Variants in ITSN1 observed in about 807,000 individuals in gnomAD.
ITSN1 encodes the protein intersectin-1.
Under a neutral mutation model 239.8 loss-of-function variants are expected in ITSN1, and 58 were observed. That is an observed-to-expected ratio of 0.24 (90% confidence interval 0.20 to 0.30). ITSN1 has a LOEUF of 0.30. Among genes scored for constraint, ITSN1 ranks in the 10% least tolerant of loss-of-function variants. The probability of loss-of-function intolerance (pLI) is 1.00; values close to 1 mark genes in which losing one functional copy is unlikely to be tolerated. For synonymous variants in ITSN1, 780 were observed against 770.8 expected (o/e 1.01, Z -0.20); for missense variants, 1,558 against 2,103.3 (o/e 0.74, Z 5.07).
chr21:33,675,914 T>C (rs1264765243), intron 1 of ITSN1, among the ~76,000 whole-genome samples: 2 of 152,208 alleles, frequency 1.3e-5, no homozygotes, highest in Non-Finnish European at 2.9e-5. Context: ...ATCATATGCT[T>C]CAGATATTTG....
intron 12 of ITSN1, among the ~76,000 whole-genome samples, chr21:33,773,649 A>C (rs1461617807): frequency 6.6e-6 from 1 of 152,120 alleles, no homozygotes; most frequent in Non-Finnish European, 1.5e-5. Context: ...ACCTGTCTCA[A>C]AAAAAGAAAG....
At position 33,896,684 on chromosome 21, in the gene ITSN1, C is replaced by G. The variant is rs1030261497; in HGVS notation, c.*8384C>G. The G allele has an allele frequency of 6.6e-6, 1 of 152,240 alleles. No homozygotes were observed. Among genetic ancestry groups the G allele is most frequent in the African/African-American group, 2.4e-5 (1 of 41,450 alleles). The allele number at this position is 152,240 out of a possible 1,614,324, so 9.4% of individuals were successfully genotyped here. The stretch of plus-strand genomic sequence containing the variant: ...AGCCTCAAGTTCTAGAAGACCATGG[C>G]CCCGGGAGGCAGCTGACCATGAAGC... On this transcript the variant is annotated 3_prime_UTR_variant, in exon 40 of 40. Transcript: ENST00000381318.
At chr21:33,679,802 A>G (rs1317992786) in intron 1 of ITSN1, among the ~76,000 whole-genome samples, 2 of 135,356 alleles carry the variant, frequency 1.5e-5, no homozygotes, top group African/African-American at 2.8e-5. Context: ...GGTTCATGCC[A>G]TTCTCCTGCC....
chr21:33,803,632 A>C (rs1273760829), intron 20 of ITSN1, among the ~76,000 whole-genome samples: 1 of 152,228 alleles, frequency 6.6e-6, no homozygotes, highest in Non-Finnish European at 1.5e-5. Context: ...ATATATATCA[A>C]ACTGTTAACA....
At chr21:33,837,522 C>A in intron 29 of ITSN1, 1 of 985,844 alleles carries the variant, frequency 1.0e-6, no homozygotes, top group Non-Finnish European at 1.2e-6. Flanking sequence ...CAGTTTGGGG[C>A]TTTTCCCCCT....
chr21:33,785,162 A>G (rs2070556407), intron 16 of ITSN1, among the ~76,000 whole-genome samples: 1 of 152,218 alleles, frequency 6.6e-6, no homozygotes, highest in African/African-American at 2.4e-5. Flanking sequence ...CACTGGAGGA[A>G]TACCTTACAG....
At chr21:33,729,384 C>T (rs1316192200) in intron 4 of ITSN1, among the ~76,000 whole-genome samples, 1 of 151,700 alleles carries the variant, frequency 6.6e-6, no homozygotes, top group Non-Finnish European at 1.5e-5. Flanking sequence ...AGGATTCAAG[C>T]CTGCATTGCG....
At chr21:33,883,489 G>T in intron 35 of ITSN1, 61 bp from the exon 36 acceptor site, 1 of 1,596,764 alleles carries the variant, frequency 6.3e-7, no homozygotes. Context: ...ACACACTCAC[G>T]GTTTACCGGA....
intron 14 of ITSN1, 26 bp downstream of exon 14, chr21:33,775,134 T>C: frequency 4.4e-6 from 7 of 1,594,532 alleles, no homozygotes; most frequent in Non-Finnish European, 6.0e-6. Flanking sequence ...TCTTAAAAGC[T>C]ATTATATTAA....
At position 33,745,337 on chromosome 21, in the gene ITSN1, G is replaced by A. The variant is rs562627182; in HGVS notation, c.347-4806G>A. Among the ~76,000 whole-genome samples, 25 of 152,298 alleles carry A rather than the reference G, an allele frequency of 1.6e-4. No homozygotes were observed. In the South Asian group the frequency reaches 1.9e-3, roughly 11 times the overall value. ...CTTTCAACAGAAAAGAAAATGAAAA[G>A]GATGGAGAGGGGACTGTGGATTAAA... On this transcript the variant is annotated intron_variant, in intron 5 of 39. Coordinates refer to ENST00000381318, the MANE Select transcript of ITSN1 (RefSeq NM_003024.3).
In ITSN1 at chr21:33,821,236, T is replaced by G. The variant is rs188994176; in HGVS notation, c.3016+1913T>G. The stretch of plus-strand genomic sequence containing the variant: ...GGTCACAAGTGAACCATGCATGTAC[T>G]TAAAATTGGGCAACATAATAGAGTT... On this transcript the variant is annotated intron_variant, in intron 24 of 39. Coordinates refer to ENST00000381318, the MANE Select transcript of ITSN1 (RefSeq NM_003024.3). Among the ~76,000 whole-genome samples the G allele has an allele frequency of 4.2e-3, 643 of 152,332 alleles. 4 individuals carry two copies. The highest frequency in any genetic ancestry group is 0.015 in the African/African-American group (620 of 41,574).
chr21:33,668,261 C>A (rs1484282795), intron 1 of ITSN1, among the ~76,000 whole-genome samples: 1 of 152,174 alleles, frequency 6.6e-6, no homozygotes, highest in East Asian at 1.9e-4. Context: ...ATAAGTGATA[C>A]AAATTGGAGT....
chr21:33,810,290 A>G (rs775010650), intron 20 of ITSN1, among the ~76,000 whole-genome samples: 4 of 152,230 alleles, frequency 2.6e-5, no homozygotes, highest in African/African-American at 7.2e-5. Context: ...TTTAAACAGT[A>G]TAATCCTGGA....
At chr21:33,672,857 G>A (rs1249631146) in intron 1 of ITSN1, among the ~76,000 whole-genome samples, 3 of 152,104 alleles carry the variant, frequency 2.0e-5, no homozygotes, top group East Asian at 1.9e-4. Flanking sequence ...GACTACAGGT[G>A]CGTGCCACCA....
At chr21:33,765,807 T>C in intron 9 of ITSN1, 68 bp from the exon 10 acceptor site, 1 of 1,542,732 alleles carries the variant, frequency 6.5e-7, no homozygotes, top group Non-Finnish European at 8.9e-7. Flanking sequence ...AACTTTTAAA[T>C]CACTAATGAA....
intron 31 of ITSN1, among the ~76,000 whole-genome samples, chr21:33,860,656 A>G (rs2268256): frequency 0.69 from 104,802 of 152,128 alleles, 38,195 homozygotes; most frequent in East Asian, 0.93. Flanking sequence ...CTGAAGCAGC[A>G]AAGCTCAGAG....
intron 1 of ITSN1, among the ~76,000 whole-genome samples, chr21:33,699,798 G>A (rs1018970322): frequency 1.3e-5 from 2 of 152,150 alleles, no homozygotes; most frequent in African/African-American, 4.8e-5. Flanking sequence ...TCTGACTGCC[G>A]CCCAGGCTGC....
At chr21:33,807,352 G>C (rs988793106) in intron 20 of ITSN1, among the ~76,000 whole-genome samples, 1 of 152,158 alleles carries the variant, frequency 6.6e-6, no homozygotes, top group Non-Finnish European at 1.5e-5. Flanking sequence ...TCGCATTCCA[G>C]ATGTCCACCA....
At chr21:33,836,255 G>A (rs2074596686) in intron 28 of ITSN1, among the ~76,000 whole-genome samples, 186 bp from the exon 29 acceptor site, 4 of 152,186 alleles carry the variant, frequency 2.6e-5, no homozygotes, top group Admixed American at 2.6e-4. Context: ...TTTTGTTGTT[G>A]TCTTAGTTTT....
Sources: allele counts gnomAD v4.1 joint callset (sites outside exome capture counted in the v4.1 genomes callset), GRCh38; gene constraint gnomAD v4.1.1; transcripts MANE v1.5; gene names NCBI Gene and HGNC (gene_info 2026-07-23, HGNC 2026-07-21).